The following COMMD1 variants were observed in gnomAD, a reference collection of about 807,000 sequenced individuals.
COMMD1 encodes COMM domain-containing protein 1.
In COMMD1, 10 loss-of-function variants were observed where a neutral mutation model predicts 17.2. The observed-to-expected ratio is 0.58, with a 90% confidence interval of 0.36 to 0.99. The LOEUF (loss-of-function observed/expected upper bound fraction) is 0.99, where lower values mean the gene tolerates loss of function less well. COMMD1 is among the 50% of genes least tolerant of loss of function. The probability of loss-of-function intolerance (pLI) is 0.01; values close to 1 mark genes in which losing one functional copy is unlikely to be tolerated. For synonymous variants in COMMD1, 97 were observed against 91.6 expected (o/e 1.06, Z -0.34); for missense variants, 270 against 231.8 (o/e 1.17, Z -1.07).
At chr2:62,133,934 G>T (rs746043350) in intron 2 of COMMD1, among the ~76,000 whole-genome samples, 92 of 152,178 alleles carry the variant, frequency 6.0e-4, no homozygotes, top group Non-Finnish European at 9.0e-4. Context: ...TAGGACTACA[G>T]GTGCGCACCA....
At chr2:62,029,080 TAGA>T (rs1271982529) in intron 2 of COMMD1, among the ~76,000 whole-genome samples, 13 of 152,192 alleles carry the variant, frequency 8.5e-5, no homozygotes, top group Admixed American at 4.6e-4. Context: ...TGGTTATAGA[TAGA>T]AGATTCATAT....
chr2:62,010,648 A>C (rs1351036459), intron 2 of COMMD1, among the ~76,000 whole-genome samples: 2 of 152,144 alleles, frequency 1.3e-5, no homozygotes, highest in Non-Finnish European at 2.9e-5. Context: ...CATCTCAGTT[A>C]GTGGCACCTC....
At position 62,010,078 on chromosome 2, in the gene COMMD1, A is replaced by C. The variant is rs1263744358; in HGVS notation, c.462+9096A>C. ...ATATTTTTGATGTATTGTAGATTAG[A>C]CTGCTGTACTGTTAATACAGTACTT... On this transcript the variant is annotated intron_variant, in intron 2 of 2. Coordinates refer to ENST00000311832, the MANE Select transcript of COMMD1 (RefSeq NM_152516.4). Among the ~76,000 whole-genome samples, 5 of 152,206 alleles carry C rather than the reference A, an allele frequency of 3.3e-5. No homozygotes were observed. In the South Asian group the frequency reaches 1.0e-3, roughly 31 times the overall value.
At position 62,032,163 on chromosome 2, in the gene COMMD1, A is replaced by G. The variant is rs557393045; in HGVS notation, c.462+31181A>G. Among the ~76,000 whole-genome samples, 231 of 152,326 alleles carry G rather than the reference A, an allele frequency of 1.5e-3. 2 individuals carry two copies. The highest frequency in any genetic ancestry group is 4.4e-3 in the African/African-American group (182 of 41,588). On this transcript the variant is annotated intron_variant, in intron 2 of 2. Coordinates refer to ENST00000311832, the MANE Select transcript of COMMD1 (RefSeq NM_152516.4). ...TATGCTTGTGATTGATTGTCAGGTT[A>G]TTAAGAACTATCCAGCATGTATGAA... is the stretch of plus-strand genomic sequence containing the variant.
intron 1 of COMMD1, among the ~76,000 whole-genome samples, chr2:61,924,832 A>G (rs1670286827): frequency 6.6e-6 from 1 of 152,166 alleles, no homozygotes; most frequent in Non-Finnish European, 1.5e-5. Flanking sequence ...CAGTGGGTAG[A>G]GGAAGAAGAG....
chr2:61,911,824 CCTT>C (rs1305908217), intron 1 of COMMD1, among the ~76,000 whole-genome samples: 2 of 152,164 alleles, frequency 1.3e-5, no homozygotes, highest in African/African-American at 4.8e-5. Context: ...AAAATTCAGT[CCTT>C]CTGCCCTAGG....
At chr2:61,932,804 G>C (rs1468776140) in intron 1 of COMMD1, among the ~76,000 whole-genome samples, 1 of 152,200 alleles carries the variant, frequency 6.6e-6, no homozygotes, top group Non-Finnish European at 1.5e-5. Context: ...AAGCAGCCCA[G>C]TTGATCCTCT....
At chr2:62,010,894 C>CA (rs1199320609) in intron 2 of COMMD1, among the ~76,000 whole-genome samples, 1 of 152,166 alleles carries the variant, frequency 6.6e-6, no homozygotes, top group Non-Finnish European at 1.5e-5. Flanking sequence ...ACTGTTAATG[C>CA]ATAACTCAGA....
At chr2:62,016,399 G>C (rs1165566692) in intron 2 of COMMD1, among the ~76,000 whole-genome samples, 1 of 151,022 alleles carries the variant, frequency 6.6e-6, no homozygotes, top group Non-Finnish European at 1.5e-5. Context: ...TTGTAGAGAC[G>C]GGGTTTTGCC....
At chr2:61,968,855 G>A (rs1671571985) in intron 1 of COMMD1, 1 of 200,674 alleles carries the variant, frequency 5.0e-6, no homozygotes, top group African/African-American at 2.3e-5. Flanking sequence ...ACCGTGCCTG[G>A]CCTCAGTTTT....
At chr2:62,130,155 A>C (rs75180023) in intron 2 of COMMD1, among the ~76,000 whole-genome samples, 2 of 106,438 alleles carry the variant, frequency 1.9e-5, no homozygotes, top group Non-Finnish European at 1.8e-5. Flanking sequence ...ACTCTGTCTC[A>C]AAAAAAAAAA....
Position 62,000,875 on chromosome 2 carries a change from C to T in COMMD1, c.355C>T (p.Leu119Phe). The T allele has an allele frequency of 6.2e-7, 1 of 1,614,130 alleles. No individual in the cohort carries two copies. Residue 119 changes from leucine to phenylalanine, a missense_variant, in exon 2 of 3, where the codon CTT becomes TTT. Coordinates refer to ENST00000311832, the MANE Select transcript of COMMD1 (RefSeq NM_152516.4). ...LMNQSRWNSG[L>F]RGLSWRVDGK... is the part of the protein sequence containing the mutation. ...GAACCAGAGCCGCTGGAATAGCGGG[C>T]TTCGGGGCCTGAGCTGGAGAGTTGA... is the stretch of plus-strand genomic sequence containing the variant.
intron 1 of COMMD1, among the ~76,000 whole-genome samples, chr2:61,892,952 C>T (rs1177652330): frequency 2.6e-5 from 4 of 151,842 alleles, no homozygotes; most frequent in Non-Finnish European, 4.4e-5. Context: ...ACTGCAACCT[C>T]TGCTCCACGG....
At chr2:61,971,985 T>C (rs1362533980) in intron 1 of COMMD1, among the ~76,000 whole-genome samples, 2 of 152,082 alleles carry the variant, frequency 1.3e-5, no homozygotes, top group Non-Finnish European at 2.9e-5. Flanking sequence ...TAGCCAAGTG[T>C]GGTGGCACAT....
At chr2:61,918,659 C>T (rs1341402602) in intron 1 of COMMD1, 1 of 152,118 alleles carries the variant, frequency 6.6e-6, no homozygotes, top group Non-Finnish European at 1.5e-5. Context: ...TTTGATTTAC[C>T]TATTAAATAC....
At chr2:62,117,073 C>T (rs1398007978) in intron 2 of COMMD1, among the ~76,000 whole-genome samples, 1 of 151,700 alleles carries the variant, frequency 6.6e-6, no homozygotes, top group East Asian at 1.9e-4. Flanking sequence ...TAGCTATATA[C>T]TGGATCCTCC....
intron 1 of COMMD1, among the ~76,000 whole-genome samples, chr2:61,949,261 A>C (rs1195197962): frequency 1.3e-5 from 2 of 152,196 alleles, no homozygotes; most frequent in Admixed American, 1.3e-4. Context: ...TTGACTGAGA[A>C]ATTCCCATGA....
chr2:61,922,517 T>C (rs1254873752), intron 1 of COMMD1, among the ~76,000 whole-genome samples: 4 of 152,164 alleles, frequency 2.6e-5, no homozygotes, highest in Admixed American at 2.6e-4. Context: ...GGTTTCACCA[T>C]GTTGGCCAGG....
At chr2:61,891,956 T>C (rs958747779) in intron 1 of COMMD1, among the ~76,000 whole-genome samples, 3 of 151,418 alleles carry the variant, frequency 2.0e-5, no homozygotes, top group Non-Finnish European at 4.4e-5. Flanking sequence ...CTCAGCCTCC[T>C]GAGTAGCTGG....
Sources: allele counts gnomAD v4.1 joint callset (sites outside exome capture counted in the v4.1 genomes callset), GRCh38; gene constraint gnomAD v4.1.1; transcripts MANE v1.5; gene names NCBI Gene and HGNC (gene_info 2026-07-23, HGNC 2026-07-21).